The following MEGF8 variants were observed in gnomAD, a reference collection of about 807,000 sequenced individuals.
The protein encoded by MEGF8 is multiple EGF like domains 8.
Under a neutral mutation model 302.9 loss-of-function variants are expected in MEGF8, and 156 were observed. That is an observed-to-expected ratio of 0.52 (90% confidence interval 0.45 to 0.59). The LOEUF (loss-of-function observed/expected upper bound fraction) is 0.59, where lower values mean the gene tolerates loss of function less well. Ranked by LOEUF, MEGF8 falls within the 20% of genes least tolerant of loss-of-function variation. The pLI is 0.00. For synonymous variants in MEGF8, 1,621 were observed against 1,660.5 expected (o/e 0.98, Z 0.58); for missense variants, 3,345 against 3,964.5 (o/e 0.84, Z 4.20).
Position 42,351,183 on chromosome 19 carries a change from G to T in MEGF8, c.2737-33G>T, listed in dbSNP as rs774074831. ...GGAGTCCAAAGGAAAGGGCTGAGTG[G>T]GGTTCTGACTCCTCTGCCCAACTGA... On this transcript the variant is annotated intron_variant, in intron 15 of 41. Transcript: ENST00000251268. The surrounding 1 kb of genome is among the most constrained non-coding windows in gnomAD (Gnocchi z 5.6). The T allele has an allele frequency of 1.3e-6, 2 of 1,535,100 alleles. No individual in the cohort carries two copies. Among genetic ancestry groups the T allele is most frequent in the South Asian group, 1.2e-5 (1 of 83,432 alleles).
chr19:42,357,002 C>T lies in MEGF8; in HGVS notation c.4830+21C>T, dbSNP rs765398121. On this transcript the variant is annotated intron_variant, in intron 27 of 41. Coordinates refer to ENST00000251268, the MANE Select transcript of MEGF8 (RefSeq NM_001271938.2). The surrounding 1 kb of genome is among the most constrained non-coding windows in gnomAD (Gnocchi z 5.2). ...AGAAGGTGAGCATCTCTCCCCAGCC[C>T]ACTCCCCAGCCCTCACACTGGGCCC... 2 of 1,557,112 alleles carry T rather than the reference C, an allele frequency of 1.3e-6. No homozygotes were observed. Among genetic ancestry groups the T allele is most frequent in the Middle Eastern group, 1.7e-4 (1 of 5,922 alleles).
Position 42,357,688 on chromosome 19 carries a change from C to A in MEGF8, c.5011+104C>A. The A allele has an allele frequency of 9.8e-7, 1 of 1,018,400 alleles. No homozygotes were observed. The highest frequency in any genetic ancestry group is 1.6e-5 in the African/African-American group (1 of 61,966). The allele number at this position is 1,018,400 out of a possible 1,614,324, so 63.1% of individuals were successfully genotyped here. On this transcript the variant is annotated intron_variant, in intron 28 of 41. Coordinates refer to ENST00000251268, the MANE Select transcript of MEGF8 (RefSeq NM_001271938.2). The surrounding 1 kb of genome is among the most constrained non-coding windows in gnomAD (Gnocchi z 5.2). ...GCTGTGCTCTGTGGCCACCTGTCTC[C>A]CTCTCTTTCCCATCCCCATGCAGAT...
At position 42,358,931 on chromosome 19, in the gene MEGF8, G is replaced by C. The variant is rs149787596; in HGVS notation, c.5320G>C (p.Glu1774Gln). ...ALAGTGGFLE[E>Q]ISPHLKEPRP... ...TGCTGGTACAGGAGGTTTCCTGGAG[G>C]AAATCTCACCTCACCTGAAGGAGGT... is the stretch of plus-strand genomic sequence containing the variant. The change falls in exon 30 of 42, where the codon GAA becomes CAA. Residue 1774 changes from glutamate (E) to glutamine (Q), a missense_variant. Physicochemically the swap from Glu to Gln is conservative, Grantham distance 29. Coordinates refer to ENST00000251268, the MANE Select transcript of MEGF8 (RefSeq NM_001271938.2). This position sits in a 1 kb window ranked among gnomAD's most constrained non-coding sequence, Gnocchi z 4.4. 659 of 1,611,172 alleles carry C rather than the reference G, an allele frequency of 4.1e-4. 2 individuals are homozygous for C. The African/African-American group carries it at 7.9e-3, about 19-fold the overall frequency.
At chr19:42,329,143 C>A (rs939065475) in intron 1 of MEGF8, among the ~76,000 whole-genome samples, 33 of 152,286 alleles carry the variant, frequency 2.2e-4, no homozygotes, top group African/African-American at 6.5e-4. Flanking sequence ...CTAGGTTTGC[C>A]TGGTCTTATG....
intron 1 of MEGF8, 65 bp downstream of exon 1, chr19:42,326,495 A>G: frequency 3.4e-6 from 5 of 1,464,052 alleles, no homozygotes; most frequent in Non-Finnish European, 4.5e-6. Context: ...GCATTCATCC[A>G]CTCACCACAT....
rs200502457 is a variant in MEGF8 at position 42,336,264 on chromosome 19, G to A, written c.1162G>A (p.Ala388Thr). 44 of 1,606,526 alleles carry A rather than the reference G, an allele frequency of 2.7e-5. No individual in the cohort carries two copies. Among genetic ancestry groups the A allele is most frequent in the Admixed American group, 2.7e-4 (16 of 59,982 alleles). The change falls in exon 6 of 42, where the codon GCT (alanine) becomes ACT (threonine). Residue 388 changes from alanine to threonine, a missense_variant. Coordinates refer to ENST00000251268, the MANE Select transcript of MEGF8 (RefSeq NM_001271938.2). The surrounding 1 kb of genome is among the most constrained non-coding windows in gnomAD (Gnocchi z 4.8). ...GATTCCGGCAGGCGGACGGCCCCCT[G>A]CTGCCACTGGCCACTCCATGGTGTT... ...QVIPAGGRPP[A>T]ATGHSMVFHA... is the part of the protein sequence containing the mutation.
chr19:42,359,283 C>T, intron 31 of MEGF8, 41 bp downstream of exon 31: 3 of 1,500,420 alleles, frequency 2.0e-6, no homozygotes, highest in Non-Finnish European at 2.7e-6. Flanking sequence ...GAGGGACATC[C>T]AGGAGGAGCC....
At position 42,352,488 on chromosome 19, in the gene MEGF8, T is replaced by G. The variant is rs1455255454; in HGVS notation, c.3350+32T>G. 6.5e-7 allele frequency: 1 copy of G among 1,548,748 alleles called. No homozygotes were observed. Among genetic ancestry groups the G allele is most frequent in the Non-Finnish European group, 8.8e-7 (1 of 1,140,702 alleles). ...GAGGCGGGGGTTGCTATGGAGATGT[T>G]GCCCCAGGCTGGGGCACATGGAGGT... On this transcript the variant is annotated intron_variant, in intron 19 of 41. Transcript: ENST00000251268. The surrounding 1 kb of genome is among the most constrained non-coding windows in gnomAD (Gnocchi z 4.4).
chr19:42,358,821 G>C lies in MEGF8; in HGVS notation c.5210G>C (p.Arg1737Pro). 6.3e-7 allele frequency: 1 copy of C among 1,593,098 alleles called. No homozygotes were observed. The highest frequency in any genetic ancestry group is 8.5e-7 in the Non-Finnish European group (1 of 1,170,708). ...DRMRNVRGSS[R>P]GLGQVPGEQP... ...ATGAGGAATGTGCGTGGCTCATCTC[G>C]GGGTCTGGGCCAAGTTCCTGGGGAG... The change falls in exon 30 of 42, where the codon CGG (arginine) becomes CCG (proline). Residue 1737 changes from arginine to proline, a missense_variant. Transcript: ENST00000251268. This position sits in a 1 kb window ranked among gnomAD's most constrained non-coding sequence, Gnocchi z 4.4.
chr19:42,353,965 G>T lies in MEGF8; in HGVS notation c.3952G>T (p.Gly1318Trp), dbSNP rs766409677. Reference protein sequence around the residue: ...ATEELQPCAPGTLCPPLTLTF... With the variant: ...ATEELQPCAPWTLCPPLTLTF... ...TGAGGAGCTACAGCCCTGTGCTCCC[G>T]GGACCCTCTGTCCCCCACTCACCCT... The change falls in exon 22 of 42, where the codon GGG becomes TGG. Residue 1318 changes from glycine to tryptophan, a missense_variant. Gly to Trp is a radical substitution (Grantham distance 184, BLOSUM62 -2). Transcript: ENST00000251268. The surrounding 1 kb of genome is among the most constrained non-coding windows in gnomAD (Gnocchi z 6.1). 1.0e-5 allele frequency: 16 copies of T among 1,581,686 alleles called. No individual in the cohort carries two copies. The highest frequency in any genetic ancestry group is 1.4e-5 in the Non-Finnish European group (16 of 1,164,274).
In MEGF8 at chr19:42,357,000, C is replaced by T. The variant is rs1252565630; in HGVS notation, c.4830+19C>T. 5.1e-6 allele frequency: 8 copies of T among 1,559,494 alleles called. No individual in the cohort carries two copies. The highest frequency in any genetic ancestry group is 1.9e-5 in the Admixed American group (1 of 53,080). On this transcript the variant is annotated intron_variant, in intron 27 of 41. Transcript: ENST00000251268. The surrounding 1 kb of genome is among the most constrained non-coding windows in gnomAD (Gnocchi z 5.2). ...GGAGAAGGTGAGCATCTCTCCCCAGCCCACTCCCCAGCCCTCACACTGGGC... is the reference window on the plus strand; with the variant it reads ...GGAGAAGGTGAGCATCTCTCCCCAGTCCACTCCCCAGCCCTCACACTGGGC...
chr19:42,367,381 C>T (rs960813332), intron 35 of MEGF8, among the ~76,000 whole-genome samples: 1 of 151,830 alleles, frequency 6.6e-6, no homozygotes, highest in African/African-American at 2.4e-5. Flanking sequence ...CTCCACCTCC[C>T]GGGTTCACGC....
chr19:42,372,469 TC>T (rs1281513495), intron 41 of MEGF8, among the ~76,000 whole-genome samples: 9 of 151,744 alleles, frequency 5.9e-5, no homozygotes, highest in African/African-American at 2.2e-4. Context: ...TCCCGCCACC[TC>T]CCCGCCACCT....
chr19:42,329,201 G>A (rs1396720345), intron 1 of MEGF8, among the ~76,000 whole-genome samples: 1 of 152,122 alleles, frequency 6.6e-6, no homozygotes, highest in Non-Finnish European at 1.5e-5. Context: ...GGGAAGAGGG[G>A]CCTTGAATGT....
intron 41 of MEGF8, among the ~76,000 whole-genome samples, chr19:42,374,595 C>G (rs181125652): frequency 2.6e-5 from 4 of 152,172 alleles, no homozygotes; most frequent in Admixed American, 2.6e-4. Flanking sequence ...GAATCATAGC[C>G]GTTATCTATC....
chr19:42,340,576 T>G lies in MEGF8; in HGVS notation c.1514-2901T>G, dbSNP rs181528452. On this transcript the variant is annotated intron_variant, in intron 8 of 41. Transcript: ENST00000251268. Reference sequence around the variant, plus strand: ...GAGATGGGGTTTCACTGTGTTGACCTTGTGATCTGCCCGCCTGGGCCTCCC... The same window carrying G: ...GAGATGGGGTTTCACTGTGTTGACCGTGTGATCTGCCCGCCTGGGCCTCCC... Among the ~76,000 whole-genome samples, 453 of 152,060 alleles carry G rather than the reference T, an allele frequency of 3.0e-3. 1 individual carries two copies. Among genetic ancestry groups the G allele is most frequent in the Admixed American group, 4.5e-3 (69 of 15,262 alleles).
Position 42,351,438 on chromosome 19 carries a change from C to T in MEGF8, c.2865C>T (p.Thr955=). The T allele has an allele frequency of 6.3e-7, 1 of 1,596,112 alleles. No homozygotes were observed. The highest frequency in any genetic ancestry group is 8.5e-7 in the Non-Finnish European group (1 of 1,171,868). The stretch of plus-strand genomic sequence containing the variant: ...CTGCTCCCCACCCCAGGCGACTGAC[C>T]TGTGAGGACTGCCTGGCCAACTCTA... ...ECPPLCSQRL[T]CEDCLANSSQ... is the part of the protein sequence containing the mutation. Residue 955 remains threonine, a synonymous_variant, in exon 17 of 42, where the codon ACC becomes ACT. Transcript: ENST00000251268. The surrounding 1 kb of genome is among the most constrained non-coding windows in gnomAD (Gnocchi z 5.6).
chr19:42,344,806 GC>G lies in MEGF8; in HGVS notation c.2072del (p.Pro691ArgfsTer20). 1 of 1,601,054 alleles carries G rather than the reference GC, an allele frequency of 6.2e-7. No individual in the cohort carries two copies. Among genetic ancestry groups the G allele is most frequent in the Non-Finnish European group, 8.5e-7 (1 of 1,172,752 alleles). Reference protein sequence around the residue: ...PGLHLLTFQQPPNTSQPDKVS... With the variant: ...PGLHLLTFQQXPNTSQPDKVS... ...GCCTGCACTTGCTCACCTTTCAGCA[GC>G]CGCCCAATACCTCCCAGCCTGACAA... On this transcript the variant is annotated frameshift_variant, in exon 12 of 42. Coordinates refer to ENST00000251268, the MANE Select transcript of MEGF8 (RefSeq NM_001271938.2). LOFTEE classifies it high-confidence loss of function. The surrounding 1 kb of genome is among the most constrained non-coding windows in gnomAD (Gnocchi z 4.5).
At chr19:42,328,342 G>A (rs535260918) in intron 1 of MEGF8, among the ~76,000 whole-genome samples, 5 of 152,306 alleles carry the variant, frequency 3.3e-5, no homozygotes, top group Admixed American at 6.5e-5. Flanking sequence ...ATCATGCAGG[G>A]CCTCCCTTGG....
Sources: gnomAD v4.1 joint callset for allele counts (sites outside exome capture counted in the v4.1 genomes callset) on GRCh38, gnomAD v4.1.1 for gene constraint, Gnocchi (gnomAD v3.1) non-coding constraint, MANE v1.5 for transcripts, NCBI Gene and HGNC (gene_info 2026-07-23, HGNC 2026-07-21) for gene names.